DHX35: variants seen among roughly 807,000 people sequenced by gnomAD.
The protein encoded by DHX35 is DEAH-box helicase 35.
Under a neutral mutation model 99.6 loss-of-function variants are expected in DHX35, and 84 were observed. The ratio of observed to expected loss-of-function variants is 0.84; its 90% CI spans 0.71 to 1.01. The LOEUF (loss-of-function observed/expected upper bound fraction) is 1.01. Ranked by LOEUF, DHX35 falls within the 50% of genes least tolerant of loss-of-function variation. DHX35 has a pLI of 0.00. For synonymous variants in DHX35, 331 were observed against 316.2 expected, an observed-to-expected ratio of 1.05 and a Z score of -0.50; for missense variants, 852 against 888.5, an observed-to-expected ratio of 0.96 and a Z score of 0.52.
At chr20:39,022,567 ATTGAACTACCAAC>A (rs1364315342) in intron 16 of DHX35, among the ~76,000 whole-genome samples, 2 of 152,198 alleles carry the variant, frequency 1.3e-5, no homozygotes, top group Non-Finnish European at 2.9e-5. Context: ...CACCTTAACC[ATTGAACTACCAAC>A]TTCTAGTTTC....
chr20:39,030,520 T>C (rs1000809071), intron 19 of DHX35, 184 bp from the exon 20 acceptor site: 31 of 584,762 alleles, frequency 5.3e-5, no homozygotes, highest in Non-Finnish European at 8.7e-5. Context: ...TGATTTATTC[T>C]TGACTTCTGG....
intron 4 of DHX35, 74 bp downstream of exon 4, chr20:38,983,850 G>A: frequency 7.5e-7 from 1 of 1,329,556 alleles, no homozygotes; most frequent in Non-Finnish European, 1.1e-6. Flanking sequence ...TTTCCTAAAG[G>A]CTTTAAATGA....
At chr20:38,982,391 G>C (rs2145857033) in intron 3 of DHX35, among the ~76,000 whole-genome samples, 1 of 152,290 alleles carries the variant, frequency 6.6e-6, no homozygotes, top group Middle Eastern at 3.4e-3. Flanking sequence ...CCTTAGGTAA[G>C]TTCTTTTCTT....
At chr20:38,984,177 T>C (rs546122122) in intron 4 of DHX35, among the ~76,000 whole-genome samples, 4 of 152,350 alleles carry the variant, frequency 2.6e-5, no homozygotes, top group African/African-American at 9.6e-5. Flanking sequence ...CCCAAAATGC[T>C]GGGATTACAG....
At chr20:39,029,979 G>GC (rs1786718784) in intron 19 of DHX35, 1 of 150,620 alleles carries the variant, frequency 6.6e-6, no homozygotes, top group African/African-American at 2.5e-5. Context: ...CCAGTATTGA[G>GC]CTTTTTTTTT....
At chr20:38,979,088 A>T (rs963652761) in intron 3 of DHX35, among the ~76,000 whole-genome samples, 25 of 151,818 alleles carry the variant, frequency 1.6e-4, no homozygotes, top group African/African-American at 6.0e-4. Flanking sequence ...TGTTTTGTTT[A>T]TAGCTTTGTA....
Position 38,988,863 on chromosome 20 carries a change from G to A in DHX35, c.396G>A (p.Val132=). 1 of 1,613,760 alleles carries A rather than the reference G, an allele frequency of 6.2e-7. No homozygotes were observed. Reference sequence around the variant, plus strand: ...GGGGTGCAGTGCTGGGCCACGAGGTGGGCTACTGCATCCGCTTTGATGACT... The same window carrying A: ...GGGGTGCAGTGCTGGGCCACGAGGTAGGCTACTGCATCCGCTTTGATGACT... ...EERGAVLGHE[V]GYCIRFDDCT... is the part of the protein sequence containing the mutation. The change falls in exon 5 of 22, where the codon GTG becomes GTA. Residue 132 remains valine, a synonymous_variant. Coordinates refer to ENST00000252011, the MANE Select transcript of DHX35 (RefSeq NM_021931.4).
In DHX35 at chr20:38,991,288, C is replaced by G. The variant is rs539005595; in HGVS notation, c.451-166C>G. ...CCCTGTGTTTAAAGCCTTTTGTGAA[C>G]AATTACATTGCTTGATAACGAAAAT... On this transcript the variant is annotated intron_variant, in intron 5 of 21. Transcript: ENST00000252011. Among the ~76,000 whole-genome samples, 126 of 152,294 alleles carry G rather than the reference C, an allele frequency of 8.3e-4. 1 individual carries two copies. The highest frequency in any genetic ancestry group is 2.9e-3 in the African/African-American group (122 of 41,564).
chr20:38,995,112 ACTGT>A (rs2086407980), intron 8 of DHX35, among the ~76,000 whole-genome samples: 2 of 152,180 alleles, frequency 1.3e-5, no homozygotes, highest in Non-Finnish European at 2.9e-5. Flanking sequence ...TTATCTACAT[ACTGT>A]CTTTCTCCCC....
In DHX35 at chr20:39,023,711, GC is replaced by G; in HGVS notation, c.1616del (p.Ala539ValfsTer32). On this transcript the variant is annotated frameshift_variant, in exon 17 of 22. Transcript: ENST00000252011. LOFTEE classifies it high-confidence loss of function. Reference protein sequence around the residue: ...SHAIRVHRKFAVEEGDHLTML... With the variant: ...SHAIRVHRKFXVEEGDHLTML... ...CCAGATTCGAGTGCACCGTAAATTT[GC>G]TGTGGAGGAGGGCGACCACCTCACT... is the stretch of plus-strand genomic sequence containing the variant. 1.9e-6 allele frequency: 3 copies of G among 1,614,014 alleles called. No individual in the cohort carries two copies. The highest frequency in any genetic ancestry group is 2.5e-6 in the Non-Finnish European group (3 of 1,179,984).
intron 3 of DHX35, among the ~76,000 whole-genome samples, chr20:38,976,331 A>AGTGT (rs1367175405): frequency 1.6e-5 from 2 of 128,616 alleles, no homozygotes; most frequent in Non-Finnish European, 3.3e-5. Flanking sequence ...TTTACAGAGA[A>AGTGT]GTGTCTGTGT....
rs577516449 is a variant in DHX35, at chr20:39,000,086, C to G, written c.643-1644C>G. 1.2e-3 allele frequency among the ~76,000 whole-genome samples: 181 copies of G among 152,326 alleles called. 3 individuals are homozygous for G. The highest frequency in any genetic ancestry group is 8.8e-5 in the Non-Finnish European group (6 of 68,030). ...CCTTGCCTCTGTCCTCCCTTAGGGA[C>G]CCCTTTACATTTTAGTCCATACTGT... On this transcript the variant is annotated intron_variant, in intron 8 of 21. Transcript: ENST00000252011.
chr20:38,978,268 C>T, intron 3 of DHX35: 1 of 776,166 alleles, frequency 1.3e-6, no homozygotes, highest in Middle Eastern at 3.5e-4. Flanking sequence ...ATCCTTTGCA[C>T]CAGCCCCTGA....
chr20:38,967,429 C>T (rs2085926563), intron 1 of DHX35, among the ~76,000 whole-genome samples: 2 of 152,300 alleles, frequency 1.3e-5, no homozygotes, highest in Non-Finnish European at 2.9e-5. Flanking sequence ...TACAAGGCAG[C>T]AAACTCCAGT....
chr20:38,978,189 A>C, intron 3 of DHX35: 2 of 1,034,324 alleles, frequency 1.9e-6, no homozygotes, highest in Non-Finnish European at 3.0e-6. Context: ...ACATTTTCAA[A>C]GTTGCCAGTG....
intron 2 of DHX35, among the ~76,000 whole-genome samples, chr20:38,969,675 A>C (rs1443701953): frequency 6.6e-6 from 1 of 152,240 alleles, no homozygotes; most frequent in Non-Finnish European, 1.5e-5. Flanking sequence ...CAGTGACAGG[A>C]TTTTGGTATG....
chr20:39,011,465 G>A (rs1600419904), intron 13 of DHX35, among the ~76,000 whole-genome samples: 1 of 152,024 alleles, frequency 6.6e-6, no homozygotes. Context: ...CCTCTTGAGT[G>A]GCTGGGATTA....
In DHX35 at chr20:38,969,276, C is replaced by G. The variant is rs972226734; in HGVS notation, c.174+62C>G. ...ATCGTGTGTCTGCATTAGCTTTATG[C>G]TCAGCACTGAAGGGAATGATGGCCT... is the stretch of plus-strand genomic sequence containing the variant. On this transcript the variant is annotated intron_variant, in intron 2 of 21. Coordinates refer to ENST00000252011, the MANE Select transcript of DHX35 (RefSeq NM_021931.4). 18 of 1,538,750 alleles carry G rather than the reference C, an allele frequency of 1.2e-5. No homozygotes were observed. In the African/African-American group the frequency reaches 2.5e-4, roughly 21 times the overall value.
chr20:38,997,046 T>TTTTATTTACTTATTTA (rs1038691751), intron 8 of DHX35, among the ~76,000 whole-genome samples: 10 of 148,910 alleles, frequency 6.7e-5, no homozygotes, highest in African/African-American at 2.5e-4. Flanking sequence ...CTTAGATTCA[T>TTTTATTTACTTATTTA]TTTATTTATT....
Sources: gnomAD v4.1 joint callset for allele counts (sites outside exome capture counted in the v4.1 genomes callset) on GRCh38, gnomAD v4.1.1 for gene constraint, MANE v1.5 for transcripts, NCBI Gene and HGNC (gene_info 2026-07-23, HGNC 2026-07-21) for gene names.